Variants in SLC9C1 observed in about 807,000 individuals in gnomAD.
The protein encoded by SLC9C1 is sodium/hydrogen exchanger 10.
SLC9C1 carries 97 observed loss-of-function variants against 140.9 expected under a neutral mutation model. The ratio of observed to expected loss-of-function variants is 0.69; its 90% confidence interval spans 0.58 to 0.82. The LOEUF (loss-of-function observed/expected upper bound fraction) is 0.82. SLC9C1 is among the 40% of genes least tolerant of loss of function. The pLI, the probability that SLC9C1 is intolerant of heterozygous loss-of-function variation, is 0.00. For missense variants in SLC9C1, 1,340 were observed against 1,389.3 expected (o/e 0.96, Z 0.56); for synonymous variants, 440 against 442.6 (o/e 0.99, Z 0.07).
chr3:112,207,205 G>T (rs764190550), intron 16 of SLC9C1, among the ~76,000 whole-genome samples: 3 of 152,196 alleles, frequency 2.0e-5, no homozygotes, highest in Non-Finnish European at 2.9e-5. Flanking sequence ...AGCTAAGAAA[G>T]TGGGAGATTT....
chr3:112,205,389 A>G, intron 16 of SLC9C1, among the ~76,000 whole-genome samples: 1 of 150,556 alleles, frequency 6.6e-6, no homozygotes, highest in Non-Finnish European at 1.5e-5. Flanking sequence ...ACCACTGCTC[A>G]ACGAAATAAA....
intron 6 of SLC9C1, among the ~76,000 whole-genome samples, chr3:112,273,440 A>G (rs2080129746): frequency 6.6e-6 from 1 of 152,102 alleles, no homozygotes; most frequent in Non-Finnish European, 1.5e-5. Context: ...TGGGCTAGGT[A>G]AACTAACACC....
At chr3:112,267,953 A>AG (rs2108308155) in intron 7 of SLC9C1, among the ~76,000 whole-genome samples, 1 of 152,284 alleles carries the variant, frequency 6.6e-6, no homozygotes, top group Non-Finnish European at 1.5e-5. Context: ...GCCAGGTCAC[A>AG]GGGAAAGTCT....
chr3:112,214,772 C>T (rs9821068), intron 15 of SLC9C1, among the ~76,000 whole-genome samples: 45,629 of 152,046 alleles, frequency 0.3, 7,061 homozygotes, highest in East Asian at 0.36. Context: ...CCGAATTCTA[C>T]CAGAGGTACA....
intron 23 of SLC9C1, among the ~76,000 whole-genome samples, chr3:112,177,892 T>C (rs570074872): frequency 6.6e-6 from 1 of 150,942 alleles, no homozygotes; most frequent in Non-Finnish European, 1.5e-5. Context: ...ATCATAAATA[T>C]ATAATTTTAT....
intron 15 of SLC9C1, among the ~76,000 whole-genome samples, chr3:112,215,673 G>T (rs1234472344): frequency 6.6e-6 from 1 of 152,088 alleles, no homozygotes; most frequent in Non-Finnish European, 1.5e-5. Flanking sequence ...TCTTCAAGAA[G>T]AACTACAAAC....
intron 14 of SLC9C1, 26 bp from the exon 15 acceptor site, chr3:112,217,587 C>T (rs1353989244): frequency 2.6e-6 from 4 of 1,550,536 alleles, no homozygotes; most frequent in Non-Finnish European, 2.6e-6. Context: ...AATCTTTAAA[C>T]ATGCTTTAAA....
intron 16 of SLC9C1, among the ~76,000 whole-genome samples, chr3:112,205,638 C>CATGACTTCAACCTA (rs1412005171): frequency 1.5e-5 from 1 of 64,552 alleles, no homozygotes; most frequent in African/African-American, 4.8e-5. Context: ...CAGCATGGTA[C>CATGACTTCAACCTA]TGGTACCAAA....
At chr3:112,288,283 CAGA>C (rs1410867190) in intron 1 of SLC9C1, among the ~76,000 whole-genome samples, 1 of 151,934 alleles carries the variant, frequency 6.6e-6, no homozygotes, top group African/African-American at 2.4e-5. Flanking sequence ...ATTTCAAAAG[CAGA>C]AGAGAAATGA....
intron 5 of SLC9C1, among the ~76,000 whole-genome samples, chr3:112,275,560 A>G (rs1438998588): frequency 6.9e-6 from 1 of 144,096 alleles, no homozygotes; most frequent in African/African-American, 2.6e-5. Flanking sequence ...TTATGATGGC[A>G]TTCTAAGTTT....
chr3:112,208,072 A>G (rs1395498747), intron 16 of SLC9C1, 106 bp downstream of exon 16: 6 of 906,184 alleles, frequency 6.6e-6, no homozygotes, highest in Non-Finnish European at 9.6e-6. Context: ...GAAGAAATTC[A>G]TACACTCCTT....
At chr3:112,171,005 G>A (rs557795814) in intron 23 of SLC9C1, among the ~76,000 whole-genome samples, 1 of 152,318 alleles carries the variant, frequency 6.6e-6, no homozygotes, top group East Asian at 1.9e-4. Flanking sequence ...CCTGAGGTCA[G>A]GAGTTGGAGA....
chr3:112,278,252 G>A (rs949424620), intron 4 of SLC9C1, among the ~76,000 whole-genome samples: 1 of 152,078 alleles, frequency 6.6e-6, no homozygotes. Flanking sequence ...TTTTTCTTGA[G>A]GTCTTTCCCT....
At chr3:112,229,863 A>G in intron 13 of SLC9C1, among the ~76,000 whole-genome samples, 1 of 152,162 alleles carries the variant, frequency 6.6e-6, no homozygotes, top group East Asian at 1.9e-4. Context: ...AGTGTTTAAT[A>G]TTCTGTTTTT....
chr3:112,278,794 G>A lies in SLC9C1; in HGVS notation c.253C>T (p.Pro85Ser), dbSNP rs1242664338. 6 of 1,610,996 alleles carry A rather than the reference G, an allele frequency of 3.7e-6. No individual in the cohort carries two copies. The highest frequency in any genetic ancestry group is 4.2e-6 in the Non-Finnish European group (5 of 1,178,690). Residue 85 changes from proline to serine, a missense_variant, in exon 4 of 29, where the codon CCA (proline) becomes TCA (serine). Coordinates refer to ENST00000305815, the MANE Select transcript of SLC9C1 (RefSeq NM_183061.3). ...SPDLFFRIFT[P>S]VVFFTTAFDM... Reference sequence around the variant, plus strand: ...AATGCAGTAGTAAAGAAAACTACTGGTGTAAATATACGAAAAAATAAGTCT... The same window carrying A: ...AATGCAGTAGTAAAGAAAACTACTGATGTAAATATACGAAAAAATAAGTCT...
At chr3:112,252,096 T>A (rs973561581) in intron 10 of SLC9C1, among the ~76,000 whole-genome samples, 1 of 151,952 alleles carries the variant, frequency 6.6e-6, no homozygotes. Flanking sequence ...TGGGTTGCAG[T>A]GGTTCCCAGC....
At chr3:112,176,996 T>C (rs1019109538) in intron 23 of SLC9C1, among the ~76,000 whole-genome samples, 4 of 137,466 alleles carry the variant, frequency 2.9e-5, no homozygotes, top group Non-Finnish European at 4.7e-5. Context: ...TGTCTCTCTC[T>C]CTCTCTCTCT....
chr3:112,288,972 G>A (rs535926231), intron 1 of SLC9C1, among the ~76,000 whole-genome samples: 2 of 152,002 alleles, frequency 1.3e-5, no homozygotes, highest in Admixed American at 6.6e-5. Context: ...TGGTGCCTAC[G>A]TCCTATCTCC....
intron 14 of SLC9C1, among the ~76,000 whole-genome samples, chr3:112,218,964 C>CA (rs1239051904): frequency 6.6e-6 from 1 of 152,160 alleles, no homozygotes; most frequent in African/African-American, 2.4e-5. Context: ...ATTTATGAGT[C>CA]AAATGACCTT....
Sources: gnomAD v4.1 joint callset for allele counts (sites outside exome capture counted in the v4.1 genomes callset) on GRCh38, gnomAD v4.1.1 for gene constraint, MANE v1.5 for transcripts, NCBI Gene and HGNC (gene_info 2026-07-23, HGNC 2026-07-21) for gene names.